Variants in ANKRD30BL observed in about 807,000 individuals in gnomAD.
ANKRD30BL encodes the protein ankyrin repeat domain 30B like.
Under a neutral mutation model 18.4 loss-of-function variants are expected in ANKRD30BL, and 20 were observed. The ratio of observed to expected loss-of-function variants is 1.09; its 90% CI spans 0.77 to 1.58. The LOEUF (loss-of-function observed/expected upper bound fraction) is 1.58. Ranked by LOEUF, ANKRD30BL falls within the 40% of genes most tolerant of loss-of-function variation. ANKRD30BL has a pLI of 0.00. For synonymous variants in ANKRD30BL, 72 were observed against 100.9 expected (o/e 0.71, Z 1.72); for missense variants, 224 against 268.6 (o/e 0.83, Z 1.16).
intron 1 of ANKRD30BL, among the ~76,000 whole-genome samples, chr2:132,212,690 A>G (rs1679388359): frequency 6.6e-6 from 1 of 151,968 alleles, no homozygotes. Context: ...TGATGGGTGC[A>G]TTCATTTCAC....
At chr2:132,199,333 C>G (rs1453733722) in intron 1 of ANKRD30BL, among the ~76,000 whole-genome samples, 1 of 152,004 alleles carries the variant, frequency 6.6e-6, no homozygotes, top group Non-Finnish European at 1.5e-5. Context: ...GCACTGCAGC[C>G]TGGAGACACA....
At chr2:132,252,310 G>C (rs113095108) in intron 1 of ANKRD30BL, among the ~76,000 whole-genome samples, 2 of 152,188 alleles carry the variant, frequency 1.3e-5, no homozygotes, top group South Asian at 4.1e-4. Context: ...GGTGGGGGAC[G>C]GGTCCGAGGA....
intron 1 of ANKRD30BL, among the ~76,000 whole-genome samples, chr2:132,255,795 G>A: frequency 6.6e-6 from 1 of 152,096 alleles, no homozygotes; most frequent in East Asian, 1.9e-4. Flanking sequence ...TGTCACCCGT[G>A]GTCACCATGA....
At chr2:132,231,448 G>C (rs1410557834) in intron 1 of ANKRD30BL, among the ~76,000 whole-genome samples, 1 of 152,210 alleles carries the variant, frequency 6.6e-6, no homozygotes, top group Non-Finnish European at 1.5e-5. Flanking sequence ...TCACTAGGGA[G>C]TGCTAGACAG....
chr2:132,220,593 T>C (rs1041321480), intron 1 of ANKRD30BL, among the ~76,000 whole-genome samples: 13 of 152,156 alleles, frequency 8.5e-5, no homozygotes, highest in Non-Finnish European at 1.5e-4. Flanking sequence ...CTCCAGCTCC[T>C]AACCGCGAGT....
chr2:132,201,945 C>T (rs1307447254), intron 1 of ANKRD30BL, among the ~76,000 whole-genome samples: 6 of 152,112 alleles, frequency 3.9e-5, no homozygotes, highest in African/African-American at 9.7e-5. Flanking sequence ...ATATACACCA[C>T]GGAATACTAT....
At chr2:132,240,208 A>G (rs1363970661) in intron 1 of ANKRD30BL, among the ~76,000 whole-genome samples, 1 of 151,846 alleles carries the variant, frequency 6.6e-6, no homozygotes, top group Non-Finnish European at 1.5e-5. Flanking sequence ...TGTGTACTCA[A>G]ATCACAGAGT....
intron 1 of ANKRD30BL, among the ~76,000 whole-genome samples, chr2:132,178,225 A>T (rs1281976170): frequency 6.6e-6 from 1 of 152,252 alleles, no homozygotes; most frequent in Admixed American, 6.5e-5. Context: ...CAGTGAAAAG[A>T]GACAAGTCAT....
At chr2:132,183,587 A>C (rs1688511062) in intron 1 of ANKRD30BL, among the ~76,000 whole-genome samples, 1 of 152,106 alleles carries the variant, frequency 6.6e-6, no homozygotes, top group South Asian at 2.1e-4. Flanking sequence ...AGAGACTAGA[A>C]GTTCCAAGAA....
chr2:132,234,685 G>A (rs187696069), intron 1 of ANKRD30BL, among the ~76,000 whole-genome samples: 7 of 152,190 alleles, frequency 4.6e-5, no homozygotes, highest in Admixed American at 1.3e-4. Flanking sequence ...TGAAATTGTG[G>A]CAATAATCAA....
At position 132,204,429 on chromosome 2, in the gene ANKRD30BL, A is replaced by C. The variant is rs529601368; in HGVS notation, n.442-47283T>G. ...TATATATATAGTATATAGCATGTCT[A>C]TACTTATACTATATACATACATATA... On this transcript the variant is annotated intron_variant and non_coding_transcript_variant, in intron 1 of 4. Transcript: ENST00000470729. Among the ~76,000 whole-genome samples the C allele has an allele frequency of 7.3e-5, 11 of 151,480 alleles. No homozygotes were observed. The East Asian group carries it at 1.9e-3, about 27-fold the overall frequency.
chr2:132,159,794 T>A (rs1688007250), intron 1 of ANKRD30BL, among the ~76,000 whole-genome samples: 1 of 152,208 alleles, frequency 6.6e-6, no homozygotes, highest in Non-Finnish European at 1.5e-5. Context: ...GCTTCTGAGC[T>A]TCTTAGAAAG....
intron 1 of ANKRD30BL, chr2:132,256,927 C>T (rs757359909): frequency 6.2e-6 from 3 of 481,666 alleles, no homozygotes; most frequent in South Asian, 3.0e-5. Flanking sequence ...ACCGCGAGGG[C>T]AAGGGCACCT....
intron 1 of ANKRD30BL, among the ~76,000 whole-genome samples, chr2:132,200,770 T>G (rs952809153): frequency 1.3e-5 from 2 of 152,278 alleles, no homozygotes; most frequent in East Asian, 3.9e-4. Context: ...CCAATGACTT[T>G]CTTCACAGAA....
chr2:132,196,081 G>A (rs1678960790), intron 1 of ANKRD30BL, among the ~76,000 whole-genome samples: 1 of 150,804 alleles, frequency 6.6e-6, no homozygotes, highest in African/African-American at 2.4e-5. Flanking sequence ...GGCAGAGCTG[G>A]CAGTGAGCTG....
intron 1 of ANKRD30BL, among the ~76,000 whole-genome samples, chr2:132,214,750 T>C (rs991696310): frequency 1.3e-5 from 2 of 151,976 alleles, no homozygotes; most frequent in African/African-American, 2.4e-5. Context: ...TGAACCTTTC[T>C]TTTGATTGAA....
chr2:132,227,881 T>C (rs1013648298), intron 1 of ANKRD30BL, among the ~76,000 whole-genome samples: 1 of 152,004 alleles, frequency 6.6e-6, no homozygotes, highest in Non-Finnish European at 1.5e-5. Context: ...AAGTGGGCAT[T>C]TGAAGCGCTT....
intron 1 of ANKRD30BL, among the ~76,000 whole-genome samples, chr2:132,235,602 A>T (rs936418112): frequency 6.6e-6 from 1 of 152,110 alleles, no homozygotes; most frequent in Non-Finnish European, 1.5e-5. Context: ...CTTCAAAGAG[A>T]ATAAAATACC....
chr2:132,162,789 G>A (rs371104165), upstream of ANKRD30BL, among the ~76,000 whole-genome samples: 6 of 152,272 alleles, frequency 3.9e-5, no homozygotes, highest in Admixed American at 6.5e-5. Flanking sequence ...TGGTTTGCAG[G>A]CTCTGGGCAC....
Sources: allele counts gnomAD v4.1 joint callset (sites outside exome capture counted in the v4.1 genomes callset), GRCh38; gene constraint gnomAD v4.1.1; transcripts MANE v1.5; gene names NCBI Gene and HGNC (gene_info 2026-07-23, HGNC 2026-07-21).